Variants in ACVR1B observed in about 807,000 individuals in gnomAD.
ACVR1B encodes activin A receptor type 1B.
A neutral mutation model predicts 55.6 loss-of-function variants in ACVR1B; 15 were observed. That is an observed-to-expected ratio of 0.27 (90% CI 0.18 to 0.42). The LOEUF is 0.42. ACVR1B is among the 10% of genes least tolerant of loss of function. The probability of loss-of-function intolerance (pLI) is 1.00; values close to 1 mark genes in which losing one functional copy is unlikely to be tolerated. For missense variants in ACVR1B, 359 were observed against 670.1 expected (o/e 0.54, Z 5.13); for synonymous variants, 247 against 254.6 (o/e 0.97, Z 0.28).
At chr12:51,987,380 G>A (rs937628577) in intron 7 of ACVR1B, 19 of 454,528 alleles carry the variant, frequency 4.2e-5, no homozygotes, top group Non-Finnish European at 6.2e-5. Context: ...ATTTATAAAA[G>A]TGCATAGATT....
chr12:51,989,514 A>ACCT (rs898336818), intron 7 of ACVR1B, among the ~76,000 whole-genome samples: 1 of 151,952 alleles, frequency 6.6e-6, no homozygotes, highest in Non-Finnish European at 1.5e-5. Context: ...CGAACTCCTG[A>ACCT]CCTCAGGTGG....
At chr12:51,980,123 A>T (rs1356893666) in intron 3 of ACVR1B, among the ~76,000 whole-genome samples, 1 of 152,184 alleles carries the variant, frequency 6.6e-6, no homozygotes, top group African/African-American at 2.4e-5. Flanking sequence ...TTTCTTGTTT[A>T]TAAAATGGGG....
chr12:51,979,812 A>C (rs1317702480), intron 3 of ACVR1B, among the ~76,000 whole-genome samples: 1 of 152,070 alleles, frequency 6.6e-6, no homozygotes. Context: ...TTCATTCACT[A>C]CCAGCCTTCT....
chr12:51,993,553 GAGAGAGCGAGACCATCCTGGCC>G (rs1024967704), intron 8 of ACVR1B, among the ~76,000 whole-genome samples: 3 of 151,742 alleles, frequency 2.0e-5, no homozygotes, highest in Non-Finnish European at 4.4e-5. Context: ...TCACAAGGTC[GAGAGAGCGAGACCATCCTGGCC>G]AACCAATATG....
chr12:51,987,073 G>A, intron 7 of ACVR1B, 131 bp downstream of exon 7: 1 of 1,307,552 alleles, frequency 7.6e-7, no homozygotes, highest in African/African-American at 1.5e-5. Flanking sequence ...CATCGTTTAA[G>A]GTTGCCATCA....
intron 4 of ACVR1B, chr12:51,982,696 A>AT: frequency 6.5e-7 from 1 of 1,531,262 alleles, no homozygotes. Context: ...CAGACTGCTC[A>AT]TTCCTCACAT....
At position 51,993,975 on chromosome 12, in the gene ACVR1B, C is replaced by T. The variant is rs757263801; in HGVS notation, c.1393-10C>T. 1.2e-6 allele frequency: 2 copies of T among 1,613,708 alleles called. No homozygotes were observed. Among genetic ancestry groups the T allele is most frequent in the Non-Finnish European group, 1.7e-6 (2 of 1,179,974 alleles). The stretch of plus-strand genomic sequence containing the variant: ...ATGACCGAGCTGATGGCTCCTGGGT[C>T]TCTGCACAGGCACTGCGGGTGATGG... On this transcript the variant is annotated splice_polypyrimidine_tract_variant and intron_variant, in intron 8 of 8. Coordinates refer to ENST00000257963, the MANE Select transcript of ACVR1B (RefSeq NM_004302.5).
At chr12:51,973,553 G>A (rs1422800856) in intron 1 of ACVR1B, among the ~76,000 whole-genome samples, 1 of 152,188 alleles carries the variant, frequency 6.6e-6, no homozygotes, top group African/African-American at 2.4e-5. Flanking sequence ...AAAGGTATTT[G>A]GAAGGGAAAA....
chr12:51,987,405 G>A (rs1347668348), intron 7 of ACVR1B: 4 of 413,828 alleles, frequency 9.7e-6, no homozygotes, highest in African/African-American at 2.0e-5. Context: ...TTAAAAGTGA[G>A]TTTTTTCTCC....
Position 51,981,143 on chromosome 12 carries a change from A to C in ACVR1B, c.755A>C (p.Gln252Pro). The C allele has an allele frequency of 6.2e-7, 1 of 1,614,204 alleles. No individual in the cohort carries two copies. The change falls in exon 4 of 9, where the codon CAG becomes CCG. Residue 252 changes from glutamine to proline, a missense_variant. By Grantham distance (76) the Gln-to-Pro change is moderately conservative. Transcript: ENST00000257963. The stretch of plus-strand genomic sequence containing the variant: ...TGGTTCAGGGAAGCAGAGATATACC[A>C]GACGGTCATGCTGCGCCATGAAAAC... ...RSWFREAEIY[Q>P]TVMLRHENIL...
intron 1 of ACVR1B, among the ~76,000 whole-genome samples, chr12:51,966,962 C>T (rs554288939): frequency 5.3e-5 from 8 of 152,060 alleles, no homozygotes; most frequent in South Asian, 2.1e-4. Flanking sequence ...AAAGGTAGGC[C>T]GGGCGCAGTG....
chr12:51,993,075 G>A (rs180957651), intron 8 of ACVR1B, among the ~76,000 whole-genome samples: 1 of 152,304 alleles, frequency 6.6e-6, no homozygotes, highest in Admixed American at 6.5e-5. Context: ...TGTATGTATT[G>A]TGACATGATT....
Position 51,981,024 on chromosome 12 carries a change from T to A in ACVR1B, c.636T>A (p.Ile212=). The change falls in exon 4 of 9, where the codon ATT becomes ATA. Residue 212 remains isoleucine, a synonymous_variant. Coordinates refer to ENST00000257963, the MANE Select transcript of ACVR1B (RefSeq NM_004302.5). ...CCCGAACCATCGTTTTACAAGAGAT[T>A]ATTGGCAAGGGTCGGTTTGGGGAAG... ...TVARTIVLQE[I]IGKGRFGEVW... The A allele has an allele frequency of 6.2e-7, 1 of 1,614,158 alleles. No homozygotes were observed. The highest frequency in any genetic ancestry group is 1.3e-5 in the African/African-American group (1 of 75,040).
intron 8 of ACVR1B, among the ~76,000 whole-genome samples, chr12:51,992,791 A>G (rs1942218760): frequency 6.6e-6 from 1 of 152,172 alleles, no homozygotes; most frequent in South Asian, 2.1e-4. Flanking sequence ...TGAATTTGGG[A>G]GAGACGGCAG....
intron 1 of ACVR1B, among the ~76,000 whole-genome samples, chr12:51,954,114 A>G (rs992315060): frequency 1.2e-4 from 18 of 152,114 alleles, no homozygotes; most frequent in African/African-American, 4.1e-4. Flanking sequence ...CCTCCCCTGC[A>G]TTTCCTATAT....
chr12:51,990,555 A>G (rs531980315), intron 7 of ACVR1B, among the ~76,000 whole-genome samples: 10 of 152,130 alleles, frequency 6.6e-5, no homozygotes, highest in African/African-American at 1.2e-4. Context: ...TGTTCAAGCA[A>G]TCCTTCCACC....
At chr12:51,951,922 GCC>G (rs1692252588) in intron 1 of ACVR1B, 88 bp downstream of exon 1, 1 of 805,464 alleles carries the variant, frequency 1.2e-6, no homozygotes, top group Non-Finnish European at 1.7e-6. Context: ...ACTACAGCGC[GCC>G]CCCTCCCCAC....
rs754938248 is a variant in ACVR1B, at chr12:51,994,532, C to T, written c.*422C>T. The T allele has an allele frequency of 4.1e-5, 7 of 171,064 alleles. No individual in the cohort carries two copies. The highest frequency in any genetic ancestry group is 5.3e-3 in the Middle Eastern group (2 of 378). The allele number at this position is 171,064 out of a possible 1,614,324, so 10.6% of individuals were successfully genotyped here. Reference sequence around the variant, plus strand: ...CAGCCCACAGCACACCAAGGTGGCCCGGAAGAACCAGAAGTGCAGCCCCTC... The same window carrying T: ...CAGCCCACAGCACACCAAGGTGGCCTGGAAGAACCAGAAGTGCAGCCCCTC... On this transcript the variant is annotated 3_prime_UTR_variant, in exon 9 of 9. Transcript: ENST00000257963. This position sits in a 1 kb window ranked among gnomAD's most constrained non-coding sequence, Gnocchi z 4.2.
At chr12:51,958,962 C>T (rs1029534551) in intron 1 of ACVR1B, among the ~76,000 whole-genome samples, 1 of 152,224 alleles carries the variant, frequency 6.6e-6, no homozygotes, top group African/African-American at 2.4e-5. Flanking sequence ...GGCATTGTTG[C>T]AGGTGTTAGG....
Sources: allele counts gnomAD v4.1 joint callset (sites outside exome capture counted in the v4.1 genomes callset), GRCh38; gene constraint gnomAD v4.1.1; non-coding constraint Gnocchi (gnomAD v3.1); transcripts MANE v1.5; gene names NCBI Gene and HGNC (gene_info 2026-07-23, HGNC 2026-07-21).